LRRC4C: variants seen among roughly 807,000 people sequenced by gnomAD.
LRRC4C encodes leucine-rich repeat-containing protein 4C.
LRRC4C carries 5 observed loss-of-function variants against 33.6 expected under a neutral mutation model. The ratio of observed to expected loss-of-function variants is 0.15; its 90% CI spans 0.08 to 0.31. The LOEUF (loss-of-function observed/expected upper bound fraction) is 0.31, where lower values mean the gene tolerates loss of function less well. Among genes scored for constraint, LRRC4C ranks in the 10% least tolerant of loss-of-function variants. The pLI, the probability that LRRC4C is intolerant of heterozygous loss-of-function variation, is 1.00. For synonymous variants in LRRC4C, 329 were observed against 302.0 expected (o/e 1.09, Z -0.93); for missense variants, 560 against 796.7 (o/e 0.70, Z 3.58).
intron 5 of LRRC4C, among the ~76,000 whole-genome samples, chr11:40,173,591 T>C (rs762662196): frequency 6.6e-6 from 1 of 152,118 alleles, no homozygotes; most frequent in Non-Finnish European, 1.5e-5. Context: ...TTCTGAAGAG[T>C]ACAATTCAAT....
At chr11:40,684,661 TA>T (rs1476817714) in intron 2 of LRRC4C, among the ~76,000 whole-genome samples, 1 of 151,962 alleles carries the variant, frequency 6.6e-6, no homozygotes, top group Non-Finnish European at 1.5e-5. Context: ...AAAAATATTG[TA>T]GTGAATTTAT....
rs184418153 is a variant in LRRC4C, at chr11:40,367,370, C to T, written c.-269-47649G>A. ...CTGAGGCATTTGATGGAAACATTTCCAGTTGTTAATCCACTTACAGATTAC... is the reference window on the plus strand; with the variant it reads ...CTGAGGCATTTGATGGAAACATTTCTAGTTGTTAATCCACTTACAGATTAC... On this transcript the variant is annotated intron_variant, in intron 3 of 6. Coordinates refer to ENST00000528697, the MANE Select transcript of LRRC4C (RefSeq NM_001258419.2). Among the ~76,000 whole-genome samples, 33 of 152,128 alleles carry T rather than the reference C, an allele frequency of 2.2e-4. 2 individuals are homozygous for T. The highest frequency in any genetic ancestry group is 7.2e-4 in the African/African-American group (30 of 41,554).
At chr11:40,328,714 T>A (rs4547083) in intron 3 of LRRC4C, among the ~76,000 whole-genome samples, 86,284 of 152,114 alleles carry the variant, frequency 0.57, 25,620 homozygotes, top group East Asian at 0.77. Flanking sequence ...CCCCAGAGAA[T>A]AACTTTGATA....
chr11:40,782,409 T>C (rs1015182129), intron 2 of LRRC4C, among the ~76,000 whole-genome samples: 8 of 152,056 alleles, frequency 5.3e-5, no homozygotes, highest in Admixed American at 3.3e-4. Flanking sequence ...TCTCCTAGTC[T>C]TCTCTGGCCC....
At chr11:40,250,396 G>A (rs1327730356) in intron 4 of LRRC4C, among the ~76,000 whole-genome samples, 1 of 151,994 alleles carries the variant, frequency 6.6e-6, no homozygotes, top group African/African-American at 2.4e-5. Flanking sequence ...TGGAATCTGT[G>A]CTTACCGGGC....
chr11:40,980,527 A>C (rs964743410), intron 1 of LRRC4C, among the ~76,000 whole-genome samples: 2 of 152,178 alleles, frequency 1.3e-5, no homozygotes, highest in African/African-American at 4.8e-5. Context: ...GGGTATGTAA[A>C]TAAGAACCAG....
At chr11:40,434,944 G>T (rs1172371056) in intron 3 of LRRC4C, among the ~76,000 whole-genome samples, 1 of 152,128 alleles carries the variant, frequency 6.6e-6, no homozygotes, top group Non-Finnish European at 1.5e-5. Context: ...GGCCTTAGGA[G>T]CTTTATTAGT....
intron 2 of LRRC4C, among the ~76,000 whole-genome samples, chr11:40,799,107 C>G (rs1199141332): frequency 6.6e-6 from 1 of 152,060 alleles, no homozygotes; most frequent in Non-Finnish European, 1.5e-5. Context: ...TACATATAAG[C>G]TTTCCTCAGT....
intron 3 of LRRC4C, among the ~76,000 whole-genome samples, chr11:40,570,425 G>A (rs1416815178): frequency 6.6e-6 from 1 of 152,108 alleles, no homozygotes; most frequent in Non-Finnish European, 1.5e-5. Context: ...AGACTGCCAG[G>A]AAAAGTAATG....
At chr11:41,299,576 G>T (rs1166779359) in intron 1 of LRRC4C, among the ~76,000 whole-genome samples, 1 of 152,036 alleles carries the variant, frequency 6.6e-6, no homozygotes, top group East Asian at 1.9e-4. Context: ...GGGAAAATAG[G>T]ATCACTAAGT....
intron 5 of LRRC4C, among the ~76,000 whole-genome samples, chr11:40,142,310 A>G (rs1429718756): frequency 7.1e-6 from 1 of 139,864 alleles, no homozygotes; most frequent in Non-Finnish European, 1.6e-5. Flanking sequence ...AAAAACCTCG[A>G]TTTTATAAAA....
chr11:41,030,416 AACCCTC>A (rs1856649344), intron 1 of LRRC4C, among the ~76,000 whole-genome samples: 1 of 151,834 alleles, frequency 6.6e-6, no homozygotes, highest in African/African-American at 2.4e-5. Flanking sequence ...CCTGTATCAT[AACCCTC>A]AATGACACCC....
At chr11:40,859,798 C>T (rs867043222) in intron 2 of LRRC4C, among the ~76,000 whole-genome samples, 4 of 152,078 alleles carry the variant, frequency 2.6e-5, no homozygotes, top group African/African-American at 4.8e-5. Flanking sequence ...TGAATGAGGC[C>T]GGACGCGGTG....
chr11:41,342,830 A>C (rs2137485887), intron 1 of LRRC4C, among the ~76,000 whole-genome samples: 1 of 152,330 alleles, frequency 6.6e-6, no homozygotes, highest in East Asian at 1.9e-4. Context: ...AGTACCACAG[A>C]GTTGGTGACT....
In LRRC4C at chr11:41,212,937, A is replaced by T. The variant is rs1012017542; in HGVS notation, c.-496+246494T>A. 3.3e-5 allele frequency among the ~76,000 whole-genome samples: 5 copies of T among 152,228 alleles called. No homozygotes were observed. The East Asian group carries it at 9.6e-4, about 29-fold the overall frequency. On this transcript the variant is annotated intron_variant, in intron 1 of 6. Coordinates refer to ENST00000528697, the MANE Select transcript of LRRC4C (RefSeq NM_001258419.2). ...AAGGTAAATCGTAAAGGCTTTAAAA[A>T]GTTGTTACACTGAATTCAATCTTTG...
intron 1 of LRRC4C, among the ~76,000 whole-genome samples, chr11:41,192,533 AC>A (rs1418729466): frequency 2.6e-5 from 4 of 151,982 alleles, no homozygotes; most frequent in Admixed American, 2.6e-4. Context: ...AATCTGTATC[AC>A]CTGGTTATTA....
At chr11:40,736,197 T>C (rs1008283949) in intron 2 of LRRC4C, among the ~76,000 whole-genome samples, 6 of 151,942 alleles carry the variant, frequency 3.9e-5, no homozygotes, top group Admixed American at 2.6e-4. Context: ...CAGAGTGTGA[T>C]GTTCCCCTCC....
chr11:40,475,240 G>A (rs933770762), intron 3 of LRRC4C, among the ~76,000 whole-genome samples: 1 of 152,070 alleles, frequency 6.6e-6, no homozygotes, highest in Non-Finnish European at 1.5e-5. Flanking sequence ...AAAAAATGTG[G>A]CACATATACA....
chr11:40,446,816 A>T (rs1314458827), intron 3 of LRRC4C: 1 of 152,108 alleles, frequency 6.6e-6, no homozygotes, highest in Non-Finnish European at 1.5e-5. Context: ...GCTCTCACTT[A>T]CTATCACAAG....
Sources: allele counts gnomAD v4.1 joint callset (sites outside exome capture counted in the v4.1 genomes callset), GRCh38; gene constraint gnomAD v4.1.1; transcripts MANE v1.5; gene names NCBI Gene and HGNC (gene_info 2026-07-23, HGNC 2026-07-21).